ATG14: variants seen among roughly 807,000 people sequenced by gnomAD.
ATG14 encodes autophagy related 14.
Under a neutral mutation model 60.4 loss-of-function variants are expected in ATG14, and 35 were observed. That is an observed-to-expected ratio of 0.58 (90% CI 0.44 to 0.77). The LOEUF is 0.77. Ranked by LOEUF, ATG14 falls within the 30% of genes least tolerant of loss-of-function variation. The pLI is 0.00. For missense variants in ATG14, 647 were observed against 626.3 expected, an observed-to-expected ratio of 1.03 and a Z score of -0.35; for synonymous variants, 234 against 228.8, an observed-to-expected ratio of 1.02 and a Z score of -0.21.
chr14:55,376,553 C>T (rs897973752), intron 9 of ATG14, among the ~76,000 whole-genome samples: 6 of 152,084 alleles, frequency 3.9e-5, no homozygotes, highest in African/African-American at 1.2e-4. Flanking sequence ...GAAATGTTAA[C>T]TATCTGAGGT....
intron 1 of ATG14, among the ~76,000 whole-genome samples, chr14:55,409,765 G>GTTAA (rs1486541084): frequency 1.3e-5 from 2 of 152,186 alleles, no homozygotes; most frequent in Non-Finnish European, 2.9e-5. Flanking sequence ...TAGAACTTTG[G>GTTAA]TTAAGGACTC....
At chr14:55,393,176 T>C (rs954181274) in intron 3 of ATG14, among the ~76,000 whole-genome samples, 4 of 152,086 alleles carry the variant, frequency 2.6e-5, no homozygotes, top group Middle Eastern at 3.4e-3. Flanking sequence ...GGTCAGGAGA[T>C]TGAGACCATC....
At chr14:55,400,254 C>T (rs1353061387) in intron 1 of ATG14, among the ~76,000 whole-genome samples, 1 of 152,054 alleles carries the variant, frequency 6.6e-6, no homozygotes, top group African/African-American at 2.4e-5. Flanking sequence ...ATACAGCTTC[C>T]AAGAGGTGAA....
intron 1 of ATG14, among the ~76,000 whole-genome samples, chr14:55,404,551 A>G (rs1278543433): frequency 3.3e-5 from 5 of 152,170 alleles, no homozygotes; most frequent in African/African-American, 1.2e-4. Flanking sequence ...TGGTGTTCAA[A>G]AGAGACGAGA....
intron 1 of ATG14, among the ~76,000 whole-genome samples, chr14:55,400,437 A>G (rs538504575): frequency 2.0e-4 from 30 of 152,280 alleles, no homozygotes; most frequent in African/African-American, 7.2e-4. Flanking sequence ...CTAATTCACT[A>G]ATAGGTACAC....
chr14:55,406,655 G>A (rs953763094), intron 1 of ATG14, among the ~76,000 whole-genome samples: 1 of 152,088 alleles, frequency 6.6e-6, no homozygotes, highest in Non-Finnish European at 1.5e-5. Flanking sequence ...CAATGGTCCT[G>A]GGTCTCGAGA....
In ATG14 at chr14:55,386,075, G is replaced by C; in HGVS notation, c.431C>G (p.Thr144Ser). Residue 144 changes from threonine (T) to serine (S), a missense_variant, in exon 5 of 10, where the codon ACC (threonine) becomes AGC (serine). Coordinates refer to ENST00000247178, the MANE Select transcript of ATG14 (RefSeq NM_014924.5). ...GTAAAGCTTCTGATTCTTTTCCTTG[G>C]TTTTGAGAAGGCCTTCAGAATCTAA... ...MEKNSEGLLK[T>S]KEKNQKLYSR... is the part of the protein sequence containing the mutation. 1 of 1,609,878 alleles carries C rather than the reference G, an allele frequency of 6.2e-7. No individual in the cohort carries two copies. Among genetic ancestry groups the C allele is most frequent in the Non-Finnish European group, 8.5e-7 (1 of 1,179,004 alleles).
chr14:55,406,742 T>C (rs931374892), intron 1 of ATG14, among the ~76,000 whole-genome samples: 2 of 152,130 alleles, frequency 1.3e-5, no homozygotes, highest in African/African-American at 2.4e-5. Context: ...TTAAAGCACA[T>C]AGTCTGGAAA....
At chr14:55,382,542 T>G (rs1330749786) in intron 5 of ATG14, among the ~76,000 whole-genome samples, 6 of 152,160 alleles carry the variant, frequency 3.9e-5, no homozygotes, top group African/African-American at 1.4e-4. Context: ...CAGGCTGGTC[T>G]TGAACTCCTG....
At chr14:55,383,616 A>T (rs1286404782) in intron 5 of ATG14, among the ~76,000 whole-genome samples, 1 of 151,630 alleles carries the variant, frequency 6.6e-6, no homozygotes, top group African/African-American at 2.4e-5. Context: ...ACAACAAAAA[A>T]TAACAAGCCC....
intron 4 of ATG14, among the ~76,000 whole-genome samples, chr14:55,389,993 G>A (rs1464937356): frequency 6.6e-6 from 1 of 151,952 alleles, no homozygotes; most frequent in Non-Finnish European, 1.5e-5. Flanking sequence ...TTCTGGCATG[G>A]GCCAATAATT....
chr14:55,375,433 C>G (rs1032057025), intron 9 of ATG14, among the ~76,000 whole-genome samples: 14 of 152,004 alleles, frequency 9.2e-5, no homozygotes, highest in Non-Finnish European at 1.3e-4. Context: ...GGCGACCCTC[C>G]CACCTCAGCC....
Position 55,411,630 on chromosome 14 carries a change from C to T in ATG14, c.193G>A (p.Val65Ile), listed in dbSNP as rs747751836. Residue 65 changes from valine (V) to isoleucine (I), a missense_variant, in exon 1 of 10, where the codon GTC (valine) becomes ATC (isoleucine). Transcript: ENST00000247178. The stretch of plus-strand genomic sequence containing the variant: ...TCCCGGTCGCGGCCGTCGAAGTAGA[C>T]GAAATCGCCGCTCTGAACGCATTTG... ...CAKCVQSGDF[V>I]YFDGRDRERF... is the part of the protein sequence containing the mutation. The T allele has an allele frequency of 6.2e-7, 1 of 1,612,438 alleles. No individual in the cohort carries two copies. The highest frequency in any genetic ancestry group is 8.5e-7 in the Non-Finnish European group (1 of 1,179,704).
intron 1 of ATG14, among the ~76,000 whole-genome samples, chr14:55,406,983 A>G (rs1444990879): frequency 6.8e-6 from 1 of 146,034 alleles, no homozygotes; most frequent in Non-Finnish European, 1.5e-5. Flanking sequence ...TTTTTTTGAG[A>G]TGGAGTCTAG....
At chr14:55,388,072 G>C (rs1380703769) in intron 4 of ATG14, among the ~76,000 whole-genome samples, 1 of 152,080 alleles carries the variant, frequency 6.6e-6, no homozygotes, top group Non-Finnish European at 1.5e-5. Context: ...GGGAGGTGAA[G>C]GTTGCAGTGA....
At chr14:55,398,426 G>A (rs1291090345) in intron 1 of ATG14, among the ~76,000 whole-genome samples, 1 of 151,912 alleles carries the variant, frequency 6.6e-6, no homozygotes, top group Non-Finnish European at 1.5e-5. Context: ...CTCCTTCTAT[G>A]CACTGTTATA....
At chr14:55,370,251 C>G (rs1027643095) in intron 9 of ATG14, among the ~76,000 whole-genome samples, 2 of 152,312 alleles carry the variant, frequency 1.3e-5, no homozygotes, top group African/African-American at 4.8e-5. Flanking sequence ...TTGTAAAGAA[C>G]TGCAGTGTCT....
chr14:55,411,297 G>A (rs778932013), intron 1 of ATG14, among the ~76,000 whole-genome samples: 2 of 152,212 alleles, frequency 1.3e-5, no homozygotes, highest in African/African-American at 2.4e-5. Context: ...TAACTTAATG[G>A]CAGCAACGGG....
rs57295720 is a variant in ATG14 at position 55,411,648 on chromosome 14, C to T, written c.175G>A (p.Val59Ile). 10,257 of 1,613,380 alleles carry T rather than the reference C, an allele frequency of 6.4e-3. 531 individuals are homozygous for T. The African/African-American group carries it at 0.12, about 19-fold the overall frequency. The change falls in exon 1 of 10, where the codon GTT (valine) becomes ATT (isoleucine). Residue 59 changes from valine to isoleucine, a missense_variant. Transcript: ENST00000247178. The part of the protein sequence containing the change: ...TRRRLTCAKC[V>I]QSGDFVYFDG... ...AAGTAGACGAAATCGCCGCTCTGAA[C>T]GCATTTGGCGCAGGTCAGCCGCCGG...
Sources: gnomAD v4.1 joint callset for allele counts (sites outside exome capture counted in the v4.1 genomes callset) on GRCh38, gnomAD v4.1.1 for gene constraint, MANE v1.5 for transcripts, NCBI Gene and HGNC (gene_info 2026-07-23, HGNC 2026-07-21) for gene names.